LONP1: variants seen among roughly 807,000 people sequenced by gnomAD.
LONP1 encodes lon peptidase 1, mitochondrial.
LONP1 carries 31 observed loss-of-function variants against 98.5 expected under a neutral mutation model. The ratio of observed to expected loss-of-function variants is 0.31; its 90% CI spans 0.24 to 0.42. The LOEUF (loss-of-function observed/expected upper bound fraction) is 0.42, where lower values mean the gene tolerates loss of function less well. Ranked by LOEUF, LONP1 falls within the 20% of genes least tolerant of loss-of-function variation. The probability of loss-of-function intolerance (pLI) is 1.00; values close to 1 mark genes in which losing one functional copy is unlikely to be tolerated. For synonymous variants in LONP1, 781 were observed against 594.7 expected (o/e 1.31, Z -4.56); for missense variants, 1,336 against 1,350.6 (o/e 0.99, Z 0.17).
intron 9 of LONP1, among the ~76,000 whole-genome samples, chr19:5,699,555 GTTTT>G (rs35759031): frequency 7.6e-5 from 9 of 118,534 alleles, no homozygotes; most frequent in African/African-American, 2.6e-4. Flanking sequence ...TCTGGCTCCT[GTTTT>G]TTTTTTTTTT....
chr19:5,720,211 C>G (rs2055419145), upstream of LONP1: 1 of 1,384,162 alleles, frequency 7.2e-7, no homozygotes, highest in Non-Finnish European at 9.3e-7. Flanking sequence ...CGGCGCGTGC[C>G]TCGGTACCCG....
chr19:5,695,402 G>A (rs2054908042), intron 13 of LONP1, among the ~76,000 whole-genome samples: 1 of 152,120 alleles, frequency 6.6e-6, no homozygotes, highest in African/African-American at 2.4e-5. Context: ...GATACTGGGG[G>A]GCACTCCTGA....
At chr19:5,715,087 G>A (rs965900580) in intron 1 of LONP1, 3 of 150,778 alleles carry the variant, frequency 2.0e-5, no homozygotes, top group Non-Finnish European at 4.4e-5. Flanking sequence ...GAGGCCAGGA[G>A]GCTGTGGTGG....
intron 1 of LONP1, among the ~76,000 whole-genome samples, chr19:5,718,012 C>G (rs1244506262): frequency 6.6e-6 from 1 of 151,690 alleles, no homozygotes; most frequent in East Asian, 1.9e-4. Context: ...GCCCAGCCCA[C>G]ATGGCCTCAT....
intron 17 of LONP1, among the ~76,000 whole-genome samples, chr19:5,692,757 CTG>C (rs2054851115): frequency 6.6e-6 from 1 of 152,218 alleles, no homozygotes; most frequent in Non-Finnish European, 1.5e-5. Flanking sequence ...TCTAGGAAGT[CTG>C]TGCCTGGTGT....
intron 6 of LONP1, among the ~76,000 whole-genome samples, chr19:5,707,357 T>C (rs1447893736): frequency 2.0e-5 from 3 of 152,096 alleles, no homozygotes; most frequent in Non-Finnish European, 1.5e-5. Context: ...GCTGCGTGCA[T>C]GGGGACGCGC....
At chr19:5,694,350 G>T in intron 15 of LONP1, 37 bp downstream of exon 15, 1 of 1,602,908 alleles carries the variant, frequency 6.2e-7, no homozygotes, top group African/African-American at 1.3e-5. Context: ...GTAGAAATGG[G>T]AATGGCTTTG....
intron 4 of LONP1, among the ~76,000 whole-genome samples, chr19:5,710,386 G>A (rs929550847): frequency 6.6e-6 from 1 of 151,478 alleles, no homozygotes; most frequent in African/African-American, 2.4e-5. Context: ...CACCGTGCCC[G>A]GCCTGAATTT....
At position 5,700,768 on chromosome 19, in the gene LONP1, CA is replaced by C; in HGVS notation, c.1506+20del. 1.2e-6 allele frequency: 2 copies of C among 1,613,724 alleles called. No homozygotes were observed. Among genetic ancestry groups the C allele is most frequent in the Non-Finnish European group, 1.7e-6 (2 of 1,179,746 alleles). On this transcript the variant is annotated intron_variant, in intron 9 of 17. Coordinates refer to ENST00000360614, the MANE Select transcript of LONP1 (RefSeq NM_004793.4). ...CGGGCACCCACATGCAAATCCACAA[CA>C]GGCCAGACACTGGGCTCACCAGGAT...
At chr19:5,713,055 C>G in intron 3 of LONP1, 79 bp downstream of exon 3, 1 of 1,594,164 alleles carries the variant, frequency 6.3e-7, no homozygotes, top group Non-Finnish European at 8.6e-7. Context: ...GAGGCTGATG[C>G]TGGGGCATAA....
chr19:5,715,576 A>G (rs2055303410), intron 1 of LONP1, among the ~76,000 whole-genome samples: 1 of 130,500 alleles, frequency 7.7e-6, no homozygotes, highest in East Asian at 2.6e-4. Context: ...CGGGAGGCGG[A>G]GCATGCAGTG....
At chr19:5,705,711 C>A in intron 8 of LONP1, 61 bp downstream of exon 8, 1 of 1,530,792 alleles carries the variant, frequency 6.5e-7, no homozygotes, top group South Asian at 1.1e-5. Context: ...CCTGGCCTGC[C>A]TAAGATGGGG....
At position 5,696,348 on chromosome 19, in the gene LONP1, G is replaced by C; in HGVS notation, c.1797C>G (p.Tyr599Ter). Residue 599 changes from tyrosine (Y) to a stop codon, truncating the protein, a stop_gained, in exon 12 of 18, where the codon TAC becomes TAG. Transcript: ENST00000360614. LOFTEE classifies it high-confidence loss of function. ...IDEVDKIGRGYQGDPSSALLE... is the reference protein window; with the variant it reads ...IDEVDKIGRG ...GCAGTGCCGACGACGGGTCCCCCTGGTAGCCTCGGCCGATCTTGTCCACCT... is the reference window on the plus strand; with the variant it reads ...GCAGTGCCGACGACGGGTCCCCCTGCTAGCCTCGGCCGATCTTGTCCACCT... 6.2e-7 allele frequency: 1 copy of C among 1,613,160 alleles called. No homozygotes were observed. Among genetic ancestry groups the C allele is most frequent in the Non-Finnish European group, 8.5e-7 (1 of 1,179,850 alleles).
chr19:5,697,075 A>G (rs1484595609), intron 10 of LONP1, among the ~76,000 whole-genome samples: 1 of 152,076 alleles, frequency 6.6e-6, no homozygotes, highest in Non-Finnish European at 1.5e-5. Flanking sequence ...TCACTGAGGG[A>G]CGCCAGGCAC....
At chr19:5,702,364 GC>G (rs1394737424) in intron 8 of LONP1, among the ~76,000 whole-genome samples, 1 of 147,498 alleles carries the variant, frequency 6.8e-6, no homozygotes, top group Non-Finnish European at 1.5e-5. Context: ...GGGGGGGTCA[GC>G]CCCCCGCCCG....
At chr19:5,720,325 A>T (rs2055423509), upstream of LONP1, 9 of 837,454 alleles carry the variant, frequency 1.1e-5, no homozygotes, top group Non-Finnish European at 1.5e-5. Context: ...CCGGTCTCCC[A>T]CTTTATGCGC....
rs148307327 is a variant in LONP1, at chr19:5,712,078, C to T, written c.639-76G>A. The T allele has an allele frequency of 2.8e-5, 35 of 1,254,194 alleles. No individual in the cohort carries two copies. In the East Asian group the frequency reaches 8.8e-4, roughly 32 times the overall value. 77.7% of individuals were successfully genotyped at this position (1,254,194 alleles called of 1,614,324 possible). A position where few individuals can be genotyped will look rare whatever the true frequency, so the allele number is the denominator to read the frequency against. On this transcript the variant is annotated intron_variant, in intron 3 of 17. Coordinates refer to ENST00000360614, the MANE Select transcript of LONP1 (RefSeq NM_004793.4). ...GACCCGGCTGAGGCCTCCCTGGTGGCACAGGTGGTCCAAGGGTCCCGCTGA... is the reference window on the plus strand; with the variant it reads ...GACCCGGCTGAGGCCTCCCTGGTGGTACAGGTGGTCCAAGGGTCCCGCTGA...
Position 5,691,866 on chromosome 19 carries a change from C to T in LONP1, c.*166G>A. On this transcript the variant is annotated 3_prime_UTR_variant, in exon 18 of 18. Coordinates refer to ENST00000360614, the MANE Select transcript of LONP1 (RefSeq NM_004793.4). The stretch of plus-strand genomic sequence containing the variant: ...AATGACTTTAATCATTAAATAGCTT[C>T]TATGCCACACTCTGATTAAGCCGAC... 1 of 818,888 alleles carries T rather than the reference C, an allele frequency of 1.2e-6. No individual in the cohort carries two copies. Among genetic ancestry groups the T allele is most frequent in the South Asian group, 1.8e-5 (1 of 57,132 alleles). The allele number at this position is 818,888 out of a possible 1,614,324, so 50.7% of individuals were successfully genotyped here.
chr19:5,720,333 C>T (rs1275522649), upstream of LONP1: 12 of 766,410 alleles, frequency 1.6e-5, no homozygotes, highest in East Asian at 1.6e-4. Flanking sequence ...CCACTTTATG[C>T]GCTGAAGGCC....
Sources: gnomAD v4.1 joint callset for allele counts (sites outside exome capture counted in the v4.1 genomes callset) on GRCh38, gnomAD v4.1.1 for gene constraint, MANE v1.5 for transcripts, NCBI Gene and HGNC (gene_info 2026-07-23, HGNC 2026-07-21) for gene names.